L3MBTL4: variants seen among roughly 807,000 people sequenced by gnomAD.
L3MBTL4 encodes lethal(3)malignant brain tumor-like protein 4.
L3MBTL4 carries 70 observed loss-of-function variants against 84.5 expected under a neutral mutation model. That is an observed-to-expected ratio of 0.83 (90% CI 0.68 to 1.01). The LOEUF is 1.01. Among genes scored for constraint, L3MBTL4 ranks in the 50% least tolerant of loss-of-function variants. The pLI, the probability that L3MBTL4 is intolerant of heterozygous loss-of-function variation, is 0.00. For missense variants in L3MBTL4, 715 were observed against 754.8 expected (o/e 0.95, Z 0.62); for synonymous variants, 274 against 259.8 (o/e 1.05, Z -0.52).
At position 6,088,395 on chromosome 18, in the gene L3MBTL4, A is replaced by T. The variant is rs139524228; in HGVS notation, c.1373+4960T>A. Among the ~76,000 whole-genome samples the T allele has an allele frequency of 2.7e-3, 409 of 152,284 alleles. 2 individuals are homozygous for T. Among genetic ancestry groups the T allele is most frequent in the African/African-American group, 9.5e-3 (395 of 41,564 alleles). ...AAATAGAGAGACACATAAAACACAA[A>T]CTCCAACTTCAAGAAGCTCTTACAG... is the stretch of plus-strand genomic sequence containing the variant. On this transcript the variant is annotated intron_variant, in intron 15 of 18. Transcript: ENST00000317931.
At chr18:5,976,040 T>C (rs2144907908) in intron 16 of L3MBTL4, among the ~76,000 whole-genome samples, 1 of 152,330 alleles carries the variant, frequency 6.6e-6, no homozygotes, top group East Asian at 1.9e-4. Flanking sequence ...GTCCACTGCT[T>C]AGTGGGCTAT....
At chr18:6,366,059 T>C (rs1050900621) in intron 1 of L3MBTL4, among the ~76,000 whole-genome samples, 2 of 152,222 alleles carry the variant, frequency 1.3e-5, no homozygotes, top group Non-Finnish European at 2.9e-5. Flanking sequence ...ATTATATACA[T>C]GCCTGGGCTA....
chr18:6,021,792 C>T (rs1048452354), intron 16 of L3MBTL4, among the ~76,000 whole-genome samples: 3 of 152,100 alleles, frequency 2.0e-5, no homozygotes, highest in African/African-American at 7.2e-5. Flanking sequence ...GTTTATCAGC[C>T]TCCCTGCCAG....
At chr18:6,322,456 T>TGGAAGGAAGGAAGGAAGGAAGGAA (rs199942673) in intron 1 of L3MBTL4, among the ~76,000 whole-genome samples, 37 of 102,568 alleles carry the variant, frequency 3.6e-4, no homozygotes, top group South Asian at 1.2e-3. Context: ...GAAGGAAGGA[T>TGGAAGGAAGGAAGGAAGGAAGGAA]GGAAGGAAGG....
chr18:6,371,871 C>T (rs1007953052), intron 1 of L3MBTL4, among the ~76,000 whole-genome samples: 2 of 152,216 alleles, frequency 1.3e-5, no homozygotes, highest in South Asian at 4.1e-4. Flanking sequence ...ACCATAAAGA[C>T]ATACATGAAT....
Position 6,398,987 on chromosome 18 carries a change from G to A in L3MBTL4, c.-91+15814C>T, listed in dbSNP as rs867050261. On this transcript the variant is annotated intron_variant, in intron 1 of 18. Coordinates refer to ENST00000317931, the MANE Select transcript of L3MBTL4 (RefSeq NM_001330559.2). ...ACAACCAGCCACTTTCTGCTGGTGG[G>A]TTGGAACATATGCTTCAATAACACA... Among the ~76,000 whole-genome samples the A allele has an allele frequency of 3.3e-5, 5 of 152,316 alleles. No individual in the cohort carries two copies. The East Asian group carries it at 9.6e-4, about 29-fold the overall frequency.
chr18:6,268,348 A>C (rs746710901), intron 4 of L3MBTL4, among the ~76,000 whole-genome samples: 1 of 152,238 alleles, frequency 6.6e-6, no homozygotes, highest in Non-Finnish European at 1.5e-5. Flanking sequence ...CAGAGATTGC[A>C]ATGAGCCGAG....
At chr18:6,123,788 T>C (rs2059602341) in intron 14 of L3MBTL4, among the ~76,000 whole-genome samples, 1 of 152,242 alleles carries the variant, frequency 6.6e-6, no homozygotes, top group African/African-American at 2.4e-5. Flanking sequence ...TCCTTTGTCC[T>C]ACTACCTGGC....
chr18:6,146,460 A>G (rs775530109), intron 13 of L3MBTL4, among the ~76,000 whole-genome samples: 7 of 152,094 alleles, frequency 4.6e-5, no homozygotes, highest in Non-Finnish European at 1.0e-4. Flanking sequence ...CGCTACGAGG[A>G]AGCTGCGGAG....
At chr18:5,988,676 C>T (rs1292231656) in intron 16 of L3MBTL4, among the ~76,000 whole-genome samples, 1 of 150,870 alleles carries the variant, frequency 6.6e-6, no homozygotes, top group Non-Finnish European at 1.5e-5. Flanking sequence ...TTAAAAAAAT[C>T]ACTCTTTTGA....
chr18:5,981,367 T>C (rs757117542), intron 16 of L3MBTL4, among the ~76,000 whole-genome samples: 6 of 152,220 alleles, frequency 3.9e-5, no homozygotes, highest in Admixed American at 6.5e-5. Flanking sequence ...ATGAGTATTC[T>C]TGGTATTCCA....
intron 4 of L3MBTL4, among the ~76,000 whole-genome samples, chr18:6,281,818 A>G (rs2084880): frequency 0.17 from 26,022 of 152,240 alleles, 2,274 homozygotes; most frequent in East Asian, 0.23. Context: ...ATAGCAAACC[A>G]TGGTAATGTA....
At chr18:6,362,853 A>T (rs941982409) in intron 1 of L3MBTL4, among the ~76,000 whole-genome samples, 34 of 152,224 alleles carry the variant, frequency 2.2e-4, no homozygotes, top group African/African-American at 7.5e-4. Flanking sequence ...TTAAATCCCA[A>T]ATCCCAGGCT....
chr18:6,331,551 G>C (rs746284720), intron 1 of L3MBTL4, among the ~76,000 whole-genome samples: 1 of 152,108 alleles, frequency 6.6e-6, no homozygotes, highest in African/African-American at 2.4e-5. Flanking sequence ...CAACCTAAGT[G>C]TCATAAGAAG....
intron 16 of L3MBTL4, among the ~76,000 whole-genome samples, chr18:6,069,708 G>A (rs2057517883): frequency 1.3e-5 from 2 of 152,140 alleles, no homozygotes; most frequent in Non-Finnish European, 2.9e-5. Context: ...GCAGGCAGCA[G>A]TAAGCCTCAC....
intron 1 of L3MBTL4, among the ~76,000 whole-genome samples, chr18:6,334,068 A>C (rs886340524): frequency 6.6e-6 from 1 of 152,226 alleles, no homozygotes; most frequent in Non-Finnish European, 1.5e-5. Flanking sequence ...ACGGTCTTGC[A>C]GTGCTGCTAA....
At chr18:6,037,302 A>G (rs2056188303) in intron 16 of L3MBTL4, among the ~76,000 whole-genome samples, 1 of 152,212 alleles carries the variant, frequency 6.6e-6, no homozygotes, top group Non-Finnish European at 1.5e-5. Flanking sequence ...ACTGAACGTA[A>G]CTGCAGTTTA....
intron 12 of L3MBTL4, among the ~76,000 whole-genome samples, chr18:6,178,703 G>A (rs1404344037): frequency 6.6e-6 from 1 of 152,074 alleles, no homozygotes; most frequent in Admixed American, 6.5e-5. Context: ...TGGTATTAAC[G>A]TTACACATTA....
chr18:6,371,523 A>C (rs2054160703), intron 1 of L3MBTL4, among the ~76,000 whole-genome samples: 2 of 152,172 alleles, frequency 1.3e-5, no homozygotes, highest in South Asian at 4.1e-4. Context: ...GATCCTGAGG[A>C]AAGCCAACTC....
Sources: gnomAD v4.1 joint callset for allele counts (sites outside exome capture counted in the v4.1 genomes callset) on GRCh38, gnomAD v4.1.1 for gene constraint, MANE v1.5 for transcripts, NCBI Gene and HGNC (gene_info 2026-07-23, HGNC 2026-07-21) for gene names.